The following TNFAIP1 variants were observed in gnomAD, a reference collection of about 807,000 sequenced individuals.
The protein encoded by TNFAIP1 is TNF alpha induced protein 1, also known as BTB/POZ domain-containing adapter for CUL3-mediated RhoA degradation protein 2.
TNFAIP1 carries 20 observed loss-of-function variants against 32.6 expected under a neutral mutation model. The observed-to-expected ratio is 0.61, with a 90% CI of 0.43 to 0.89. The LOEUF is 0.89. TNFAIP1 is among the 40% of genes least tolerant of loss of function. The probability of loss-of-function intolerance (pLI) is 0.00; values close to 1 mark genes in which losing one functional copy is unlikely to be tolerated. For missense variants in TNFAIP1, 319 were observed against 425.1 expected (o/e 0.75, Z 2.20); for synonymous variants, 166 against 166.8 (o/e 1.00, Z 0.04).
chr17:28,337,362 G>A (rs1416378414), intron 1 of TNFAIP1, among the ~76,000 whole-genome samples: 5 of 151,984 alleles, frequency 3.3e-5, no homozygotes, highest in African/African-American at 9.7e-5. Flanking sequence ...CCTACTGTCT[G>A]TGCACCAGCC....
chr17:28,336,727 G>A (rs1353608483), intron 1 of TNFAIP1, among the ~76,000 whole-genome samples: 1 of 152,200 alleles, frequency 6.6e-6, no homozygotes, highest in East Asian at 1.9e-4. Context: ...CTCCTGGTGA[G>A]GGCTCACCTC....
In TNFAIP1 at chr17:28,339,631, C is replaced by G; in HGVS notation, c.110C>G (p.Ser37Cys). 2 of 1,613,950 alleles carry G rather than the reference C, an allele frequency of 1.2e-6. No individual in the cohort carries two copies. Among genetic ancestry groups the G allele is most frequent in the Non-Finnish European group, 1.7e-6 (2 of 1,180,014 alleles). Residue 37 changes from serine (S) to cysteine (C), a missense_variant, in exon 2 of 7, where the codon TCT (serine) becomes TGT (cysteine). By Grantham distance (112) the Ser-to-Cys change is moderately radical. Coordinates refer to ENST00000226225, the MANE Select transcript of TNFAIP1 (RefSeq NM_021137.5). Reference protein sequence around the residue: ...NKYVQLNVGGSLYYTTVRALT... With the variant: ...NKYVQLNVGGCLYYTTVRALT... ...TATGTCCAGCTCAACGTGGGCGGCT[C>G]TCTGTACTACACCACTGTGCGGGCC...
Position 28,340,553 on chromosome 17 carries a change from G to T in TNFAIP1, c.375+75G>T. Reference sequence around the variant, plus strand: ...CCCTTCTTGTGGGATGGAGGACTCTGGTTCCTGGCAGGTTGTGTGGGAGGC... The same window carrying T: ...CCCTTCTTGTGGGATGGAGGACTCTTGTTCCTGGCAGGTTGTGTGGGAGGC... On this transcript the variant is annotated intron_variant, in intron 3 of 6. Coordinates refer to ENST00000226225, the MANE Select transcript of TNFAIP1 (RefSeq NM_021137.5). This position sits in a 1 kb window ranked among gnomAD's most constrained non-coding sequence, Gnocchi z 4.1. 1 of 1,548,146 alleles carries T rather than the reference G, an allele frequency of 6.5e-7. No homozygotes were observed. Among genetic ancestry groups the T allele is most frequent in the Non-Finnish European group, 8.8e-7 (1 of 1,133,908 alleles).
rs922903790 is a variant in TNFAIP1, at chr17:28,342,825, A to G, written c.714+383A>G. ...CATTTGCAGACATGGGGATGATAGT[A>G]TGAATTTAACGAGATATGAAAATGA... On this transcript the variant is annotated intron_variant, in intron 6 of 6. Transcript: ENST00000226225. The surrounding 1 kb of genome is among the most constrained non-coding windows in gnomAD (Gnocchi z 4.0). Among the ~76,000 whole-genome samples the G allele has an allele frequency of 2.0e-5, 3 of 152,228 alleles. No individual in the cohort carries two copies. Among genetic ancestry groups the G allele is most frequent in the Admixed American group, 2.0e-4 (3 of 15,278 alleles).
chr17:28,344,358 C>A lies in TNFAIP1; in HGVS notation c.715-6C>A. ...CTTGCTCCACCTTCTTCCTCCCTAA[C>A]CCCAGGTGGAATTCCCAGAGGCCCG... On this transcript the variant is annotated splice_polypyrimidine_tract_variant and splice_region_variant and intron_variant, in intron 6 of 6. Coordinates refer to ENST00000226225, the MANE Select transcript of TNFAIP1 (RefSeq NM_021137.5). 1 of 1,611,254 alleles carries A rather than the reference C, an allele frequency of 6.2e-7. No individual in the cohort carries two copies. Among genetic ancestry groups the A allele is most frequent in the Non-Finnish European group, 8.5e-7 (1 of 1,177,958 alleles).
In TNFAIP1 at chr17:28,340,304, C is replaced by T. The variant is rs1238270547; in HGVS notation, c.206-5C>T. 2.5e-6 allele frequency: 4 copies of T among 1,613,488 alleles called. No individual in the cohort carries two copies. The highest frequency in any genetic ancestry group is 3.4e-6 in the Non-Finnish European group (4 of 1,179,686). On this transcript the variant is annotated splice_region_variant and splice_polypyrimidine_tract_variant and intron_variant, in intron 2 of 6. Coordinates refer to ENST00000226225, the MANE Select transcript of TNFAIP1 (RefSeq NM_021137.5). This position sits in a 1 kb window ranked among gnomAD's most constrained non-coding sequence, Gnocchi z 4.1. ...CTAACCCTGTAGGGCCTTCTGCACC[C>T]CTAGGCTGGATCCTCATAGACCGTT... is the stretch of plus-strand genomic sequence containing the variant.
At position 28,340,578 on chromosome 17, in the gene TNFAIP1, C is replaced by T. The variant is rs571321685; in HGVS notation, c.375+100C>T. 2.2e-6 allele frequency: 3 copies of T among 1,395,320 alleles called. No homozygotes were observed. The highest frequency in any genetic ancestry group is 2.6e-5 in the South Asian group (2 of 77,904). The allele number at this position is 1,395,320 out of a possible 1,614,324, so 86.4% of individuals were successfully genotyped here. A position where few individuals can be genotyped will look rare whatever the true frequency, so the allele number is the denominator to read the frequency against. On this transcript the variant is annotated intron_variant, in intron 3 of 6. Transcript: ENST00000226225. The surrounding 1 kb of genome is among the most constrained non-coding windows in gnomAD (Gnocchi z 4.1). ...GGTTCCTGGCAGGTTGTGTGGGAGG[C>T]GTGGTTGATGAGTGCAAACCTAATG...
chr17:28,346,836 C>T lies in TNFAIP1; in HGVS notation c.*2236C>T, dbSNP rs1208530155. On this transcript the variant is annotated 3_prime_UTR_variant, in exon 7 of 7. Transcript: ENST00000226225. ...ACCTGGCAGCCTGCTGTTAACAACA[C>T]AGGCCAGTATTGGGTTTTATTGAAT... The T allele has an allele frequency of 6.6e-6, 1 of 152,234 alleles. No individual in the cohort carries two copies. The highest frequency in any genetic ancestry group is 1.5e-5 in the Non-Finnish European group (1 of 68,050). 9.4% of individuals were successfully genotyped at this position (152,234 alleles called of 1,614,324 possible).
chr17:28,336,305 C>G (rs1004290869), intron 1 of TNFAIP1, among the ~76,000 whole-genome samples: 4 of 152,178 alleles, frequency 2.6e-5, no homozygotes, highest in Non-Finnish European at 4.4e-5. Flanking sequence ...CGGGCATCCC[C>G]AAATATCCAC....
At chr17:28,339,204 C>T (rs1156695345) in intron 1 of TNFAIP1, among the ~76,000 whole-genome samples, 1 of 148,868 alleles carries the variant, frequency 6.7e-6, no homozygotes, top group Non-Finnish European at 1.5e-5. Context: ...CACCACTGCA[C>T]TCCAGCCTGG....
rs546942840 is a variant in TNFAIP1, at chr17:28,340,540, G to T, written c.375+62G>T. The T allele has an allele frequency of 6.3e-7, 1 of 1,577,224 alleles. No individual in the cohort carries two copies. The highest frequency in any genetic ancestry group is 2.3e-5 in the East Asian group (1 of 44,260). ...GTCAGGAGTTGCCCCCTTCTTGTGGGATGGAGGACTCTGGTTCCTGGCAGG... is the reference window on the plus strand; with the variant it reads ...GTCAGGAGTTGCCCCCTTCTTGTGGTATGGAGGACTCTGGTTCCTGGCAGG... On this transcript the variant is annotated intron_variant, in intron 3 of 6. Coordinates refer to ENST00000226225, the MANE Select transcript of TNFAIP1 (RefSeq NM_021137.5). This position sits in a 1 kb window ranked among gnomAD's most constrained non-coding sequence, Gnocchi z 4.1.
Position 28,340,400 on chromosome 17 carries a change from A to G in TNFAIP1, c.297A>G (p.Gln99=). 1 of 1,614,128 alleles carries G rather than the reference A, an allele frequency of 6.2e-7. No homozygotes were observed. The highest frequency in any genetic ancestry group is 2.2e-5 in the East Asian group (1 of 44,874). Residue 99 remains glutamine (Q), a synonymous_variant, in exon 3 of 7, where the codon CAA becomes CAG. Transcript: ENST00000226225. This position sits in a 1 kb window ranked among gnomAD's most constrained non-coding sequence, Gnocchi z 4.1. ...CCATCACCCTCCCTCAGAACCGGCA[A>G]GAAATCAAGGAATTGATGGCTGAAG... ...DDTITLPQNR[Q]EIKELMAEAK... is the part of the protein sequence containing the mutation.
intron 6 of TNFAIP1, among the ~76,000 whole-genome samples, chr17:28,343,904 CTG>C (rs1247795543): frequency 1.3e-5 from 2 of 152,190 alleles, no homozygotes; most frequent in African/African-American, 4.8e-5. Flanking sequence ...AGCAGCTGCT[CTG>C]TGTATGCCTC....
chr17:28,340,320 A>G lies in TNFAIP1; in HGVS notation c.217A>G (p.Ile73Val), dbSNP rs782577101. Residue 73 changes from isoleucine to valine, a missense_variant, in exon 3 of 7, where the codon ATA becomes GTA. By Grantham distance (29) the Ile-to-Val change is conservative (BLOSUM62 3). Transcript: ENST00000226225. This position sits in a 1 kb window ranked among gnomAD's most constrained non-coding sequence, Gnocchi z 4.1. ...TTCTGCACCCCTAGGCTGGATCCTCATAGACCGTTGTGGAAAGCACTTTGG... is the reference window on the plus strand; with the variant it reads ...TTCTGCACCCCTAGGCTGGATCCTCGTAGACCGTTGTGGAAAGCACTTTGG... ...VLTDKEGWILIDRCGKHFGTI... is the reference protein window; with the variant it reads ...VLTDKEGWILVDRCGKHFGTI... The G allele has an allele frequency of 1.2e-6, 2 of 1,613,870 alleles. No individual in the cohort carries two copies. The highest frequency in any genetic ancestry group is 1.7e-5 in the Admixed American group (1 of 60,018).
chr17:28,338,365 C>T (rs1907245767), intron 1 of TNFAIP1, among the ~76,000 whole-genome samples: 1 of 152,146 alleles, frequency 6.6e-6, no homozygotes, highest in African/African-American at 2.4e-5. Flanking sequence ...TGGGCTCCCT[C>T]TCAGGAAAAA....
At position 28,340,341 on chromosome 17, in the gene TNFAIP1, T is replaced by A. The variant is rs150955614; in HGVS notation, c.238T>A (p.Phe80Ile). 15 of 1,613,932 alleles carry A rather than the reference T, an allele frequency of 9.3e-6. No individual in the cohort carries two copies. Among genetic ancestry groups the A allele is most frequent in the Non-Finnish European group, 1.2e-5 (14 of 1,179,976 alleles). The change falls in exon 3 of 7, where the codon TTT becomes ATT. Residue 80 changes from phenylalanine to isoleucine, a missense_variant. By Grantham distance (21) the Phe-to-Ile change is conservative (BLOSUM62 0). Coordinates refer to ENST00000226225, the MANE Select transcript of TNFAIP1 (RefSeq NM_021137.5). This position sits in a 1 kb window ranked among gnomAD's most constrained non-coding sequence, Gnocchi z 4.1. The part of the protein sequence containing the change: ...WILIDRCGKH[F>I]GTILNYLRDD... ...CCTCATAGACCGTTGTGGAAAGCACTTTGGCACCATTTTGAATTACCTCCG... is the reference window on the plus strand; with the variant it reads ...CCTCATAGACCGTTGTGGAAAGCACATTGGCACCATTTTGAATTACCTCCG...
rs1272910007 is a variant in TNFAIP1 at position 28,345,374 on chromosome 17, G to A, written c.*774G>A. On this transcript the variant is annotated 3_prime_UTR_variant, in exon 7 of 7. Transcript: ENST00000226225. ...GCTCAGAGTGCACCGAGGAGGGAAGGATGGCTAAGCTGGGACCGGCAGTCC... is the reference window on the plus strand; with the variant it reads ...GCTCAGAGTGCACCGAGGAGGGAAGAATGGCTAAGCTGGGACCGGCAGTCC... The A allele has an allele frequency of 6.6e-6, 1 of 152,394 alleles. No homozygotes were observed. The highest frequency in any genetic ancestry group is 1.5e-5 in the Non-Finnish European group (1 of 68,044). The allele number at this position is 152,394 out of a possible 1,614,324, so 9.4% of individuals were successfully genotyped here.
At chr17:28,336,189 C>T (rs1410205320) in intron 1 of TNFAIP1, among the ~76,000 whole-genome samples, 12 of 152,196 alleles carry the variant, frequency 7.9e-5, no homozygotes, top group African/African-American at 2.9e-4. Context: ...CTGGGTCCTT[C>T]TTCCTTTTAG....
rs957619255 is a variant in TNFAIP1, at chr17:28,344,628, G to A, written c.*28G>A. Reference sequence around the variant, plus strand: ...AGACCCTCAGGGAGTCAGGGCACGGGAGGCCCTATCTCCCATCCTGTGGAA... The same window carrying A: ...AGACCCTCAGGGAGTCAGGGCACGGAAGGCCCTATCTCCCATCCTGTGGAA... On this transcript the variant is annotated 3_prime_UTR_variant, in exon 7 of 7. Coordinates refer to ENST00000226225, the MANE Select transcript of TNFAIP1 (RefSeq NM_021137.5). The A allele has an allele frequency of 1.9e-6, 3 of 1,602,348 alleles. No individual in the cohort carries two copies. The highest frequency in any genetic ancestry group is 2.6e-6 in the Non-Finnish European group (3 of 1,174,798).
Sources: allele counts gnomAD v4.1 joint callset (sites outside exome capture counted in the v4.1 genomes callset), GRCh38; gene constraint gnomAD v4.1.1; non-coding constraint Gnocchi (gnomAD v3.1); transcripts MANE v1.5; gene names NCBI Gene and HGNC (gene_info 2026-07-23, HGNC 2026-07-21).